Variants in OTULINL observed in about 807,000 individuals in gnomAD.
The protein encoded by OTULINL is inactive ubiquitin thioesterase OTULINL.
In OTULINL, 42 loss-of-function variants were observed where a neutral mutation model predicts 43.9. That is an observed-to-expected ratio of 0.96 (90% CI 0.75 to 1.24). The LOEUF is 1.24. Among genes scored for constraint, OTULINL ranks in the 50% most tolerant of loss-of-function variants. The pLI, the probability that OTULINL is intolerant of heterozygous loss-of-function variation, is 0.00. For synonymous variants in OTULINL, 172 were observed against 153.6 expected (o/e 1.12, Z -0.88); for missense variants, 411 against 426.4 (o/e 0.96, Z 0.32).
intron 1 of OTULINL, among the ~76,000 whole-genome samples, chr5:14,590,285 A>G (rs972067028): frequency 1.8e-4 from 27 of 152,260 alleles, no homozygotes; most frequent in Middle Eastern, 3.4e-3. Flanking sequence ...TGGGGAGCTT[A>G]AAAAAGATAC....
intron 5 of OTULINL, 93 bp from the exon 6 acceptor site, chr5:14,607,237 A>T: frequency 7.2e-7 from 1 of 1,381,434 alleles, no homozygotes; most frequent in African/African-American, 1.5e-5. Context: ...CTCGAAAAAA[A>T]AAAAGATAAG....
At chr5:14,591,590 C>G (rs1759203528) in intron 1 of OTULINL, among the ~76,000 whole-genome samples, 2 of 152,168 alleles carry the variant, frequency 1.3e-5, no homozygotes. Flanking sequence ...CAGAACCCCA[C>G]CTCCAGGAAG....
rs765602395 is a variant in OTULINL at position 14,581,858 on chromosome 5, G to C, written c.-37G>C. 24 of 1,385,040 alleles carry C rather than the reference G, an allele frequency of 1.7e-5. No homozygotes were observed. The highest frequency in any genetic ancestry group is 1.7e-4 in the South Asian group (11 of 65,954). 85.8% of individuals were successfully genotyped at this position (1,385,040 alleles called of 1,614,324 possible). On this transcript the variant is annotated 5_prime_UTR_variant, in exon 1 of 8. Transcript: ENST00000274217. ...CGTCTGACAGACCACTGCAGACCAC[G>C]GGCCGAGGCCCAGCGCCCGTCCGCA...
chr5:14,582,046 C>G (rs1478784009), intron 1 of OTULINL, 88 bp downstream of exon 1: 3 of 993,994 alleles, frequency 3.0e-6, no homozygotes, highest in East Asian at 3.7e-5. Flanking sequence ...GGGACGCGCC[C>G]TCCTCGGCGG....
intron 3 of OTULINL, 27 bp from the exon 4 acceptor site, chr5:14,601,324 C>T (rs1759385355): frequency 1.8e-5 from 29 of 1,611,768 alleles, no homozygotes; most frequent in Non-Finnish European, 2.5e-5. Context: ...GGAGAATTAA[C>T]AGCTTTTTAT....
intron 1 of OTULINL, among the ~76,000 whole-genome samples, chr5:14,596,771 A>AT (rs1759295134): frequency 6.6e-6 from 1 of 152,152 alleles, no homozygotes. Flanking sequence ...TGGGGAGTCC[A>AT]AGAGCACAGC....
At chr5:14,595,640 CTTTTTTTTTTTTT>C (rs61482298) in intron 1 of OTULINL, among the ~76,000 whole-genome samples, 4 of 57,094 alleles carry the variant, frequency 7.0e-5, no homozygotes, top group African/African-American at 1.9e-4. Flanking sequence ...AAAAACGGTG[CTTTTTTTTTTTTT>C]TTTTTTTTTT....
chr5:14,601,157 G>T (rs756307715), intron 2 of OTULINL, 33 bp downstream of exon 2: 1 of 1,611,490 alleles, frequency 6.2e-7, no homozygotes, highest in Admixed American at 1.7e-5. Flanking sequence ...AATTTCAAAT[G>T]TATCTTTACT....
At chr5:14,594,393 G>A (rs891396735) in intron 1 of OTULINL, among the ~76,000 whole-genome samples, 1 of 152,220 alleles carries the variant, frequency 6.6e-6, no homozygotes, top group Non-Finnish European at 1.5e-5. Context: ...TAAACAATCA[G>A]TTCCCACACT....
Position 14,610,876 on chromosome 5 carries a change from A to G in OTULINL, c.*562A>G, listed in dbSNP as rs902128438. On this transcript the variant is annotated 3_prime_UTR_variant, in exon 8 of 8. Transcript: ENST00000274217. ...TATGTATGTTTATATACACACATGTATCTGTATAGTTTTATATATACATAT... is the reference window on the plus strand; with the variant it reads ...TATGTATGTTTATATACACACATGTGTCTGTATAGTTTTATATATACATAT... The G allele has an allele frequency of 1.3e-5, 2 of 152,858 alleles. No homozygotes were observed. The highest frequency in any genetic ancestry group is 2.9e-5 in the Non-Finnish European group (2 of 68,530). The allele number at this position is 152,858 out of a possible 1,614,324, so 9.5% of individuals were successfully genotyped here.
At chr5:14,608,235 A>G (rs1327223788) in intron 6 of OTULINL, among the ~76,000 whole-genome samples, 2 of 152,258 alleles carry the variant, frequency 1.3e-5, no homozygotes, top group South Asian at 2.1e-4. Context: ...TTAGGCTTCT[A>G]TAACAAAATA....
chr5:14,614,470 G>C lies in OTULINL; in HGVS notation c.*4156G>C. 1 of 397,168 alleles carries C rather than the reference G, an allele frequency of 2.5e-6. No individual in the cohort carries two copies. Among genetic ancestry groups the C allele is most frequent in the Non-Finnish European group, 4.4e-6 (1 of 225,702 alleles). 24.6% of individuals were successfully genotyped at this position (397,168 alleles called of 1,614,324 possible). On this transcript the variant is annotated 3_prime_UTR_variant, in exon 8 of 8. Transcript: ENST00000274217. Reference sequence around the variant, plus strand: ...TTGTTCAATCACTTCTATGTTATTTGTTCAGAATAGTGGATCTTTGCTTAA... The same window carrying C: ...TTGTTCAATCACTTCTATGTTATTTCTTCAGAATAGTGGATCTTTGCTTAA...
chr5:14,608,514 C>CG (rs1759518379), intron 6 of OTULINL, among the ~76,000 whole-genome samples: 1 of 152,174 alleles, frequency 6.6e-6, no homozygotes, highest in African/African-American at 2.4e-5. Flanking sequence ...CTAATACCAT[C>CG]ACCCTGGGAT....
At position 14,601,215 on chromosome 5, in the gene OTULINL, G is replaced by A; in HGVS notation, c.227G>A (p.Trp76Ter). 2.5e-6 allele frequency: 4 copies of A among 1,612,358 alleles called. No individual in the cohort carries two copies. Among genetic ancestry groups the A allele is most frequent in the South Asian group, 1.1e-5 (1 of 90,586 alleles). The change falls in exon 3 of 8, where the codon TGG (tryptophan) becomes TAG (stop). Residue 76 changes from tryptophan (W) to a stop codon, truncating the protein, a stop_gained and splice_region_variant. Coordinates refer to ENST00000274217, the MANE Select transcript of OTULINL (RefSeq NM_019018.3). LOFTEE classifies it high-confidence loss of function. ...HLYSGHKLKW[W>*]IGYLQRKFKR... Reference sequence around the variant, plus strand: ...TATTGTTCCCTTTTATCTTTCAGGTGGATTGGATATCTGCAGAGAAAATTC... The same window carrying A: ...TATTGTTCCCTTTTATCTTTCAGGTAGATTGGATATCTGCAGAGAAAATTC...
At chr5:14,607,133 G>GGC (rs781515037) in intron 5 of OTULINL, among the ~76,000 whole-genome samples, 197 bp from the exon 6 acceptor site, 5 of 152,150 alleles carry the variant, frequency 3.3e-5, no homozygotes, top group Admixed American at 1.3e-4. Context: ...AGGAGGCTGA[G>GGC]GCAGCAGAAA....
At position 14,614,947 on chromosome 5, in the gene OTULINL, T is replaced by C. The variant is rs1261789749; in HGVS notation, c.*4633T>C. On this transcript the variant is annotated 3_prime_UTR_variant, in exon 8 of 8. Coordinates refer to ENST00000274217, the MANE Select transcript of OTULINL (RefSeq NM_019018.3). ...GTGAGAGTCACTCACTTATTTGTAATGATTCTTGGGAAGTTTAGTCAAGAG... is the reference window on the plus strand; with the variant it reads ...GTGAGAGTCACTCACTTATTTGTAACGATTCTTGGGAAGTTTAGTCAAGAG... 9 of 394,992 alleles carry C rather than the reference T, an allele frequency of 2.3e-5. No homozygotes were observed. 24.5% of individuals were successfully genotyped at this position (394,992 alleles called of 1,614,324 possible). A position where few individuals can be genotyped will look rare whatever the true frequency, so the allele number is the denominator to read the frequency against.
chr5:14,608,199 C>G (rs1169145291), intron 6 of OTULINL, among the ~76,000 whole-genome samples: 1 of 152,138 alleles, frequency 6.6e-6, no homozygotes, highest in African/African-American at 2.4e-5. Context: ...AAACTAATTT[C>G]TTATTGTAAA....
chr5:14,586,964 G>A (rs553578438), intron 1 of OTULINL, among the ~76,000 whole-genome samples: 1 of 152,238 alleles, frequency 6.6e-6, no homozygotes, highest in East Asian at 1.9e-4. Context: ...GGACAGCCTC[G>A]GTGGGTACAA....
chr5:14,584,399 C>T (rs1168087727), intron 1 of OTULINL, among the ~76,000 whole-genome samples: 1 of 152,204 alleles, frequency 6.6e-6, no homozygotes, highest in Non-Finnish European at 1.5e-5. Context: ...GCACCCACTC[C>T]AGCTATACTT....
Sources: gnomAD v4.1 joint callset for allele counts (sites outside exome capture counted in the v4.1 genomes callset) on GRCh38, gnomAD v4.1.1 for gene constraint, MANE v1.5 for transcripts, NCBI Gene and HGNC (gene_info 2026-07-23, HGNC 2026-07-21) for gene names.